KCNK2: variants seen among roughly 807,000 people sequenced by gnomAD.
KCNK2 encodes potassium two pore domain channel subfamily K member 2.
KCNK2 carries 21 observed loss-of-function variants against 40.5 expected under a neutral mutation model. The ratio of observed to expected loss-of-function variants is 0.52; its 90% confidence interval spans 0.37 to 0.75. The LOEUF is 0.75. KCNK2 is among the 30% of genes least tolerant of loss of function. The probability of loss-of-function intolerance (pLI) is 0.00; values close to 1 mark genes in which losing one functional copy is unlikely to be tolerated. For missense variants in KCNK2, 399 were observed against 531.6 expected (o/e 0.75, Z 2.45); for synonymous variants, 191 against 202.2 (o/e 0.94, Z 0.47).
chr1:215,026,885 T>G (rs1657019321), intron 1 of KCNK2, among the ~76,000 whole-genome samples: 1 of 151,994 alleles, frequency 6.6e-6, no homozygotes, highest in Non-Finnish European at 1.5e-5. Flanking sequence ...ATTTTTATAT[T>G]AATTTATTCC....
At chr1:215,142,022 G>A (rs933016496) in intron 3 of KCNK2, among the ~76,000 whole-genome samples, 2 of 151,592 alleles carry the variant, frequency 1.3e-5, no homozygotes, top group Non-Finnish European at 2.9e-5. Context: ...CTTTTTTTCT[G>A]TAATTCTGGG....
At chr1:215,021,962 T>TA (rs1656812178) in intron 1 of KCNK2, among the ~76,000 whole-genome samples, 1 of 152,134 alleles carries the variant, frequency 6.6e-6, no homozygotes, top group African/African-American at 2.4e-5. Context: ...GGCTGAGACT[T>TA]ACAGCACTGG....
chr1:215,212,006 G>C (rs553939070), intron 6 of KCNK2, among the ~76,000 whole-genome samples: 35 of 152,088 alleles, frequency 2.3e-4, no homozygotes, highest in Admixed American at 2.1e-3. Context: ...TGAGTAGCTT[G>C]GCAAATAAGC....
intron 5 of KCNK2, among the ~76,000 whole-genome samples, chr1:215,192,678 CA>C (rs1371258915): frequency 4.6e-5 from 7 of 152,156 alleles, no homozygotes; most frequent in Non-Finnish European, 7.3e-5. Context: ...GGTTTACACA[CA>C]TATTTCTTAA....
intron 6 of KCNK2, among the ~76,000 whole-genome samples, chr1:215,205,123 T>G (rs1558137919): frequency 1.3e-5 from 2 of 152,226 alleles, no homozygotes; most frequent in Non-Finnish European, 2.9e-5. Context: ...ATATTTTCAT[T>G]TGACTCTCTT....
At chr1:215,153,634 T>G (rs888134656) in intron 3 of KCNK2, among the ~76,000 whole-genome samples, 1 of 152,022 alleles carries the variant, frequency 6.6e-6, no homozygotes, top group African/African-American at 2.4e-5. Context: ...TTTTTAAATT[T>G]TACTTTAAGT....
chr1:215,019,507 A>G (rs963460354), intron 1 of KCNK2, among the ~76,000 whole-genome samples: 2 of 152,242 alleles, frequency 1.3e-5, no homozygotes, highest in African/African-American at 4.8e-5. Flanking sequence ...TAGTTGCCGC[A>G]TCTGTTCCGA....
intron 6 of KCNK2, among the ~76,000 whole-genome samples, chr1:215,208,646 G>A (rs542630223): frequency 5.3e-5 from 8 of 152,022 alleles, no homozygotes; most frequent in Admixed American, 1.3e-4. Flanking sequence ...AAAATGCTAC[G>A]TATGAAATAT....
rs1659289511 is a variant in KCNK2 at position 215,083,684 on chromosome 1, T to G, written c.46+253T>G. 5.2e-6 allele frequency: 3 copies of G among 575,164 alleles called. No individual in the cohort carries two copies. The South Asian group carries it at 6.3e-5, about 12-fold the overall frequency. 35.6% of individuals were successfully genotyped at this position (575,164 alleles called of 1,614,324 possible). A position where few individuals can be genotyped will look rare whatever the true frequency, so the allele number is the denominator to read the frequency against. ...CCTGAGGTATGGGTTTGGAACACCT[T>G]GGGGGAGTTTCCCATGGAGAAGGAG... On this transcript the variant is annotated intron_variant, in intron 1 of 6. Coordinates refer to ENST00000444842, the MANE Select transcript of KCNK2 (RefSeq NM_001017425.3).
chr1:215,139,821 G>T (rs184373731), intron 3 of KCNK2, among the ~76,000 whole-genome samples: 8 of 151,978 alleles, frequency 5.3e-5, no homozygotes, highest in Non-Finnish European at 1.0e-4. Flanking sequence ...ATATTATGAG[G>T]TGACTTGTTA....
chr1:215,149,804 A>G (rs1228215647), intron 3 of KCNK2, among the ~76,000 whole-genome samples: 1 of 152,202 alleles, frequency 6.6e-6, no homozygotes, highest in Non-Finnish European at 1.5e-5. Context: ...TGAAGGCCAC[A>G]TTGAAAAGCT....
intron 2 of KCNK2, among the ~76,000 whole-genome samples, chr1:215,095,860 C>T (rs1340028750): frequency 6.6e-6 from 1 of 151,992 alleles, no homozygotes; most frequent in Non-Finnish European, 1.5e-5. Context: ...GAAGGCAGAA[C>T]ATTTACTCAT....
chr1:215,124,891 G>C, intron 3 of KCNK2, 141 bp downstream of exon 3: 1 of 640,740 alleles, frequency 1.6e-6, no homozygotes, highest in Non-Finnish European at 2.8e-6. Context: ...TTTTGAAAAG[G>C]GGATTTAAAG....
At chr1:215,084,909 T>C (rs1010322650) in intron 1 of KCNK2, among the ~76,000 whole-genome samples, 1 of 152,232 alleles carries the variant, frequency 6.6e-6, no homozygotes, top group Non-Finnish European at 1.5e-5. Context: ...TCTGCCATCA[T>C]TTTACAACAC....
intron 6 of KCNK2, among the ~76,000 whole-genome samples, chr1:215,234,218 G>A (rs1666784056): frequency 1.3e-5 from 2 of 152,168 alleles, no homozygotes; most frequent in South Asian, 4.1e-4. Context: ...CCTGAAAGCA[G>A]AAACAAAATA....
intron 1 of KCNK2, among the ~76,000 whole-genome samples, chr1:215,070,975 A>G (rs1481473021): frequency 6.6e-6 from 1 of 152,224 alleles, no homozygotes; most frequent in Non-Finnish European, 1.5e-5. Flanking sequence ...AATCAAATCA[A>G]TTATTAATGT....
At chr1:215,190,779 G>A (rs1424378485) in intron 5 of KCNK2, among the ~76,000 whole-genome samples, 1 of 152,148 alleles carries the variant, frequency 6.6e-6, no homozygotes, top group Non-Finnish European at 1.5e-5. Context: ...CAATGGAAGT[G>A]TGAAGCGTGA....
At chr1:215,171,099 T>G (rs1663691513) in intron 4 of KCNK2, among the ~76,000 whole-genome samples, 1 of 152,166 alleles carries the variant, frequency 6.6e-6, no homozygotes, top group Non-Finnish European at 1.5e-5. Flanking sequence ...TCAGTGATTT[T>G]CAGATGGTGT....
At chr1:215,029,986 C>T (rs1264525186) in intron 1 of KCNK2, among the ~76,000 whole-genome samples, 1 of 152,276 alleles carries the variant, frequency 6.6e-6, no homozygotes, top group Non-Finnish European at 1.5e-5. Flanking sequence ...TGAGAAATTG[C>T]CAAACTGTCT....
Sources: allele counts gnomAD v4.1 joint callset (sites outside exome capture counted in the v4.1 genomes callset), GRCh38; gene constraint gnomAD v4.1.1; transcripts MANE v1.5; gene names NCBI Gene and HGNC (gene_info 2026-07-23, HGNC 2026-07-21).